Variants in SLC31A1 observed in about 807,000 individuals in gnomAD.
SLC31A1 encodes the protein solute carrier family 31 member 1.
In SLC31A1, 5 loss-of-function variants were observed where a neutral mutation model predicts 17.2. The ratio of observed to expected loss-of-function variants is 0.29; its 90% CI spans 0.15 to 0.61. The LOEUF (loss-of-function observed/expected upper bound fraction) is 0.61, where lower values mean the gene tolerates loss of function less well. SLC31A1 is among the 20% of genes least tolerant of loss of function. SLC31A1 has a pLI of 0.86. For synonymous variants in SLC31A1, 76 were observed against 78.8 expected (o/e 0.96, Z 0.19); for missense variants, 161 against 241.4 (o/e 0.67, Z 2.21).
intron 1 of SLC31A1, among the ~76,000 whole-genome samples, chr9:113,239,514 G>A (rs931901769): frequency 6.6e-6 from 1 of 152,132 alleles, no homozygotes; most frequent in Non-Finnish European, 1.5e-5. Context: ...GGAAACATGA[G>A]TGCCTGCATA....
chr9:113,257,301 T>C (rs942912909), intron 3 of SLC31A1, 116 bp downstream of exon 3: 5 of 887,188 alleles, frequency 5.6e-6, no homozygotes, highest in Non-Finnish European at 9.4e-6. Context: ...ATGGTAATGA[T>C]GCATAACCAT....
chr9:113,248,760 T>G (rs1362376945), intron 1 of SLC31A1, among the ~76,000 whole-genome samples: 2 of 152,258 alleles, frequency 1.3e-5, no homozygotes, highest in Non-Finnish European at 2.9e-5. Context: ...ATTATAGGCA[T>G]GAGCCACTGT....
chr9:113,224,917 T>TACC (rs1831324406), intron 1 of SLC31A1, among the ~76,000 whole-genome samples: 2 of 152,342 alleles, frequency 1.3e-5, no homozygotes, highest in Non-Finnish European at 1.5e-5. Context: ...GGCATAATGG[T>TACC]AGTATCCATT....
intron 1 of SLC31A1, among the ~76,000 whole-genome samples, chr9:113,225,960 C>A (rs1831335716): frequency 6.6e-6 from 1 of 151,992 alleles, no homozygotes; most frequent in African/African-American, 2.4e-5. Context: ...ATGGTGAAAC[C>A]CCGTGTCTGC....
chr9:113,247,788 T>A (rs533035448), intron 1 of SLC31A1, among the ~76,000 whole-genome samples: 33 of 152,272 alleles, frequency 2.2e-4, no homozygotes, highest in African/African-American at 7.9e-4. Flanking sequence ...ACAGTCAATA[T>A]AGCATTTACT....
chr9:113,226,750 G>A (rs1831345962), intron 1 of SLC31A1, among the ~76,000 whole-genome samples: 1 of 152,130 alleles, frequency 6.6e-6, no homozygotes, highest in African/African-American at 2.4e-5. Flanking sequence ...CATATAAAGA[G>A]AGCAAAATTC....
chr9:113,246,505 C>T (rs1831580186), intron 1 of SLC31A1, among the ~76,000 whole-genome samples: 1 of 151,772 alleles, frequency 6.6e-6, no homozygotes, highest in South Asian at 2.1e-4. Context: ...GCGCGTGCCA[C>T]CACGCCCGGC....
At chr9:113,256,931 T>C (rs1831735338) in intron 2 of SLC31A1, among the ~76,000 whole-genome samples, 182 bp from the exon 3 acceptor site, 1 of 151,284 alleles carries the variant, frequency 6.6e-6, no homozygotes. Context: ...GGGGGCCTAG[T>C]AGAATACTCA....
At chr9:113,252,436 C>T (rs1472285772) in intron 1 of SLC31A1, among the ~76,000 whole-genome samples, 1 of 152,150 alleles carries the variant, frequency 6.6e-6, no homozygotes, top group Non-Finnish European at 1.5e-5. Flanking sequence ...GCTGGGACTA[C>T]AGGTGCCTGC....
chr9:113,244,301 G>C (rs976999366), intron 1 of SLC31A1, among the ~76,000 whole-genome samples: 1 of 152,018 alleles, frequency 6.6e-6, no homozygotes, highest in Non-Finnish European at 1.5e-5. Context: ...AAAGTTTTAA[G>C]TGTAATTATT....
At chr9:113,246,341 G>A (rs560083688) in intron 1 of SLC31A1, among the ~76,000 whole-genome samples, 6 of 147,172 alleles carry the variant, frequency 4.1e-5, no homozygotes, top group South Asian at 4.4e-4. Flanking sequence ...CACCATGCCC[G>A]GCCATTAAGA....
At chr9:113,246,148 A>G (rs1831575381) in intron 1 of SLC31A1, among the ~76,000 whole-genome samples, 1 of 151,658 alleles carries the variant, frequency 6.6e-6, no homozygotes, top group Non-Finnish European at 1.5e-5. Flanking sequence ...CTTCCCAGGC[A>G]CAAGCGATCC....
intron 1 of SLC31A1, among the ~76,000 whole-genome samples, chr9:113,252,012 T>G (rs1831659749): frequency 6.6e-6 from 1 of 152,238 alleles, no homozygotes. Context: ...TATCTCCTAG[T>G]ATATTTGGAT....
intron 1 of SLC31A1, among the ~76,000 whole-genome samples, chr9:113,236,657 C>T (rs766065927): frequency 3.3e-5 from 5 of 152,156 alleles, no homozygotes; most frequent in Non-Finnish European, 7.4e-5. Flanking sequence ...CCACCACACC[C>T]GGCCCTCACT....
Position 113,234,466 on chromosome 9 carries a change from C to T in SLC31A1, c.-36+12788C>T, listed in dbSNP as rs528839393. Among the ~76,000 whole-genome samples, 11 of 149,250 alleles carry T rather than the reference C, an allele frequency of 7.4e-5. No individual in the cohort carries two copies. In the South Asian group the frequency reaches 1.3e-3, roughly 17 times the overall value. On this transcript the variant is annotated intron_variant, in intron 1 of 4. Transcript: ENST00000374212. ...TGCTGGGATTACAGGCATGAACCAC[C>T]GCTCCTGGCCATCATTTTTTTTTTT... is the stretch of plus-strand genomic sequence containing the variant.
At chr9:113,234,480 A>AT (rs869088669) in intron 1 of SLC31A1, among the ~76,000 whole-genome samples, 1,811 of 60,238 alleles carry the variant, frequency 0.03, 250 homozygotes, top group Non-Finnish European at 0.038. Context: ...CCTGGCCATC[A>AT]TTTTTTTTTT....
chr9:113,258,654 CAT>C lies in SLC31A1; in HGVS notation c.203-39_203-38del, dbSNP rs772852269. ...CAGCACATTGGCTAATGATTTTGCA[CAT>C]GTTTGACAGTACCTCCATATTTTCC... is the stretch of plus-strand genomic sequence containing the variant. On this transcript the variant is annotated intron_variant, in intron 3 of 4. Coordinates refer to ENST00000374212, the MANE Select transcript of SLC31A1 (RefSeq NM_001859.4). This position sits in a 1 kb window ranked among gnomAD's most constrained non-coding sequence, Gnocchi z 4.8. 42 of 1,610,144 alleles carry C rather than the reference CAT, an allele frequency of 2.6e-5. No homozygotes were observed. The highest frequency in any genetic ancestry group is 6.6e-5 in the South Asian group (6 of 90,998).
intron 4 of SLC31A1, 64 bp from the exon 5 acceptor site, chr9:113,260,208 T>G: frequency 6.9e-7 from 1 of 1,441,690 alleles, no homozygotes; most frequent in Non-Finnish European, 9.8e-7. Context: ...AACTCTTCCC[T>G]CTTTCTCCTG....
At chr9:113,241,912 A>C (rs1461034159) in intron 1 of SLC31A1, among the ~76,000 whole-genome samples, 1 of 152,236 alleles carries the variant, frequency 6.6e-6, no homozygotes, top group Non-Finnish European at 1.5e-5. Context: ...TCCAGTTAGA[A>C]TTATTAGGAA....
Sources: allele counts gnomAD v4.1 joint callset (sites outside exome capture counted in the v4.1 genomes callset), GRCh38; gene constraint gnomAD v4.1.1; non-coding constraint Gnocchi (gnomAD v3.1); transcripts MANE v1.5; gene names NCBI Gene and HGNC (gene_info 2026-07-23, HGNC 2026-07-21).